The following RPH3A variants were observed in gnomAD, a reference collection of about 807,000 sequenced individuals.
RPH3A encodes the protein rabphilin 3A.
Under a neutral mutation model 102.2 loss-of-function variants are expected in RPH3A, and 48 were observed. The ratio of observed to expected loss-of-function variants is 0.47; its 90% CI spans 0.37 to 0.60. RPH3A has a LOEUF of 0.60. RPH3A is among the 20% of genes least tolerant of loss of function. RPH3A has a pLI of 0.00. For missense variants in RPH3A, 781 were observed against 910.1 expected, an observed-to-expected ratio of 0.86 and a Z score of 1.83; for synonymous variants, 310 against 324.3, an observed-to-expected ratio of 0.96 and a Z score of 0.47.
At chr12:112,659,111 C>G (rs1443487648) in intron 1 of RPH3A, among the ~76,000 whole-genome samples, 1 of 152,110 alleles carries the variant, frequency 6.6e-6, no homozygotes, top group African/African-American at 2.4e-5. Context: ...AAATTGCTAC[C>G]TCCTACTGCC....
rs879523107 is a variant in RPH3A at position 112,700,068 on chromosome 12, CT to C, written c.-139-92062del. Among the ~76,000 whole-genome samples, 519 of 144,108 alleles carry C rather than the reference CT, an allele frequency of 3.6e-3. 2 individuals carry two copies. The highest frequency in any genetic ancestry group is 8.7e-3 in the African/African-American group (345 of 39,526). The allele number at this position is 144,108 out of a possible 152,430, so 94.5% of individuals were successfully genotyped here. On this transcript the variant is annotated intron_variant, in intron 1 of 21. Transcript: ENST00000543106. ...TAAAGGAATAAATCCTTAATGAATT[CT>C]TTTTTTTTTTTTCTTTTGAGACAGA... is the stretch of plus-strand genomic sequence containing the variant.
chr12:112,878,268 T>TC (rs1458238174), intron 13 of RPH3A, among the ~76,000 whole-genome samples: 1 of 152,142 alleles, frequency 6.6e-6, no homozygotes, highest in Non-Finnish European at 1.5e-5. Flanking sequence ...TACTGCTCCT[T>TC]CCATCGGCCT....
intron 1 of RPH3A, among the ~76,000 whole-genome samples, chr12:112,667,662 AAG>A (rs71086114): frequency 0.042 from 3,067 of 72,626 alleles, 155 homozygotes; most frequent in Non-Finnish European, 0.055. Flanking sequence ...GAGATGAATA[AAG>A]AGAGAGAGAG....
chr12:112,722,316 C>T (rs2040557053), intron 1 of RPH3A, among the ~76,000 whole-genome samples: 1 of 152,194 alleles, frequency 6.6e-6, no homozygotes, highest in African/African-American at 2.4e-5. Context: ...AGGCATGAGA[C>T]TAAATGGGCA....
intron 4 of RPH3A, among the ~76,000 whole-genome samples, chr12:112,841,709 T>TG (rs1386005490): frequency 2.0e-5 from 3 of 149,292 alleles, no homozygotes; most frequent in Middle Eastern, 3.4e-3. Flanking sequence ...TTTTTTTGGT[T>TG]TTTTTTTTTT....
At chr12:112,702,623 G>A (rs1012254819) in intron 1 of RPH3A, among the ~76,000 whole-genome samples, 2 of 152,248 alleles carry the variant, frequency 1.3e-5, no homozygotes, top group African/African-American at 2.4e-5. Flanking sequence ...AGGAATGGCT[G>A]TAACTGAGGA....
chr12:112,675,180 T>A (rs1211218321), intron 1 of RPH3A, among the ~76,000 whole-genome samples: 2 of 152,214 alleles, frequency 1.3e-5, no homozygotes, highest in Non-Finnish European at 2.9e-5. Flanking sequence ...GGAAAGAGTT[T>A]TTTTTGTTGT....
chr12:112,728,917 T>C (rs2040614219), intron 1 of RPH3A, among the ~76,000 whole-genome samples: 1 of 152,204 alleles, frequency 6.6e-6, no homozygotes, highest in African/African-American at 2.4e-5. Context: ...GGCAGGGAAC[T>C]TCCCAGAACC....
chr12:112,674,672 T>A (rs1055676121), intron 1 of RPH3A, among the ~76,000 whole-genome samples: 1 of 152,174 alleles, frequency 6.6e-6, no homozygotes, highest in African/African-American at 2.4e-5. Flanking sequence ...ATAGATTTGT[T>A]ATCTGTGACC....
chr12:112,577,426 G>A (rs1277849042), intron 1 of RPH3A, among the ~76,000 whole-genome samples: 3 of 152,172 alleles, frequency 2.0e-5, no homozygotes, highest in Admixed American at 2.0e-4. Flanking sequence ...GCATGGTAAT[G>A]CATTGTAATT....
chr12:112,580,626 T>A (rs918006649), intron 1 of RPH3A, among the ~76,000 whole-genome samples: 5 of 152,030 alleles, frequency 3.3e-5, no homozygotes, highest in African/African-American at 1.2e-4. Flanking sequence ...CAGGATGGTC[T>A]CGATCTCCTG....
At chr12:112,686,427 CT>C (rs1202054171) in intron 1 of RPH3A, among the ~76,000 whole-genome samples, 2 of 152,140 alleles carry the variant, frequency 1.3e-5, no homozygotes, top group African/African-American at 2.4e-5. Context: ...ATGTGGCTTG[CT>C]TTGGCCAATG....
At chr12:112,704,052 T>C (rs739745) in intron 1 of RPH3A, among the ~76,000 whole-genome samples, 33,270 of 151,894 alleles carry the variant, frequency 0.22, 4,145 homozygotes, top group South Asian at 0.36. Context: ...ACACCCCTCT[T>C]TTCACTCCAT....
chr12:112,882,786 TGC>T (rs886960320), intron 15 of RPH3A, among the ~76,000 whole-genome samples: 42 of 152,252 alleles, frequency 2.8e-4, no homozygotes, highest in African/African-American at 9.4e-4. Flanking sequence ...GTGAATCATT[TGC>T]ATGTTAGCAT....
At chr12:112,700,578 C>T (rs1194924673) in intron 1 of RPH3A, among the ~76,000 whole-genome samples, 2 of 152,204 alleles carry the variant, frequency 1.3e-5, no homozygotes, top group Non-Finnish European at 2.9e-5. Flanking sequence ...ATGGGAATTA[C>T]ACTCTCCGAG....
intron 15 of RPH3A, 51 bp from the exon 16 acceptor site, chr12:112,883,242 A>G: frequency 7.0e-7 from 1 of 1,429,784 alleles, no homozygotes; most frequent in Non-Finnish European, 9.8e-7. Flanking sequence ...GGGTTCCAGG[A>G]CTGGCTCCCC....
chr12:112,894,371 G>A, intron 19 of RPH3A: 1 of 587,552 alleles, frequency 1.7e-6, no homozygotes, highest in Non-Finnish European at 3.0e-6. Flanking sequence ...TACTGCCTAG[G>A]GTCATGTGGG....
chr12:112,862,166 G>A (rs996264288), intron 5 of RPH3A, among the ~76,000 whole-genome samples: 15 of 152,012 alleles, frequency 9.9e-5, no homozygotes, highest in Non-Finnish European at 1.8e-4. Context: ...CAAAAGAAAT[G>A]TTTTTAAATT....
intron 1 of RPH3A, among the ~76,000 whole-genome samples, chr12:112,775,160 A>G (rs2136074798): frequency 6.6e-6 from 1 of 152,282 alleles, no homozygotes; most frequent in South Asian, 2.1e-4. Flanking sequence ...ATTATGGCCC[A>G]TGTTTACCTA....
Sources: allele counts gnomAD v4.1 joint callset (sites outside exome capture counted in the v4.1 genomes callset), GRCh38; gene constraint gnomAD v4.1.1; transcripts MANE v1.5; gene names NCBI Gene and HGNC (gene_info 2026-07-23, HGNC 2026-07-21).